SPAG16: variants seen among roughly 807,000 people sequenced by gnomAD.
SPAG16 encodes sperm associated antigen 16, also known as sperm-associated antigen 16 protein.
SPAG16 carries 86 observed loss-of-function variants against 80.4 expected under a neutral mutation model. The ratio of observed to expected loss-of-function variants is 1.07; its 90% CI spans 0.90 to 1.28. The LOEUF is 1.28. Among genes scored for constraint, SPAG16 ranks in the 50% most tolerant of loss-of-function variants. SPAG16 has a pLI of 0.00. For missense variants in SPAG16, 870 were observed against 765.3 expected (o/e 1.14, Z -1.61); for synonymous variants, 294 against 265.9 (o/e 1.11, Z -1.03).
At chr2:213,777,271 T>G (rs979943581) in intron 10 of SPAG16, among the ~76,000 whole-genome samples, 9 of 122,286 alleles carry the variant, frequency 7.4e-5, no homozygotes, top group African/African-American at 2.8e-4. Flanking sequence ...TTTTGAGACG[T>G]AGTCTCATTC....
At chr2:213,676,174 T>C (rs1405736660) in intron 10 of SPAG16, among the ~76,000 whole-genome samples, 2 of 152,124 alleles carry the variant, frequency 1.3e-5, no homozygotes, top group Non-Finnish European at 2.9e-5. Flanking sequence ...CACTCATGAT[T>C]TGGCTCTCTG....
At chr2:213,873,775 C>T (rs2076038367) in intron 11 of SPAG16, among the ~76,000 whole-genome samples, 1 of 151,720 alleles carries the variant, frequency 6.6e-6, no homozygotes, top group South Asian at 2.1e-4. Flanking sequence ...GTTCCATTTC[C>T]ATATATATGT....
chr2:213,735,959 A>G (rs1377246240), intron 10 of SPAG16, among the ~76,000 whole-genome samples: 1 of 152,222 alleles, frequency 6.6e-6, no homozygotes, highest in African/African-American at 2.4e-5. Flanking sequence ...CAGAGATACC[A>G]CTATCCTAAT....
At chr2:213,890,093 C>G (rs2076729684) in intron 11 of SPAG16, among the ~76,000 whole-genome samples, 1 of 151,910 alleles carries the variant, frequency 6.6e-6, no homozygotes, top group Non-Finnish European at 1.5e-5. Flanking sequence ...TTCAATAAAG[C>G]AACATCAGCC....
At chr2:214,070,346 T>G (rs905475565) in intron 13 of SPAG16, among the ~76,000 whole-genome samples, 1 of 152,090 alleles carries the variant, frequency 6.6e-6, no homozygotes, top group Admixed American at 6.6e-5. Flanking sequence ...CTTGTTTGTT[T>G]ACAACAAATG....
intron 8 of SPAG16, among the ~76,000 whole-genome samples, chr2:213,367,049 G>T (rs1408853261): frequency 6.6e-6 from 1 of 152,022 alleles, no homozygotes; most frequent in African/African-American, 2.4e-5. Flanking sequence ...TTGGTTGTCT[G>T]TCCTTGAGAT....
intron 11 of SPAG16, among the ~76,000 whole-genome samples, chr2:213,900,391 C>A (rs1033068): frequency 0.59 from 88,910 of 151,898 alleles, 27,823 homozygotes; most frequent in South Asian, 0.84. Context: ...TACAAAACAC[C>A]GATATTAAAA....
intron 10 of SPAG16, among the ~76,000 whole-genome samples, chr2:213,621,026 T>G (rs1331388221): frequency 1.3e-5 from 2 of 152,044 alleles, no homozygotes; most frequent in African/African-American, 4.8e-5. Context: ...GTTTTAGTAC[T>G]TACCTTTAAT....
At chr2:214,409,771 T>C (rs1702195813) in intron 15 of SPAG16, among the ~76,000 whole-genome samples, 1 of 152,170 alleles carries the variant, frequency 6.6e-6, no homozygotes, top group Non-Finnish European at 1.5e-5. Flanking sequence ...TTTAAAACTT[T>C]CTAACATATA....
At chr2:213,602,360 AG>A (rs2061097546) in intron 10 of SPAG16, among the ~76,000 whole-genome samples, 1 of 149,198 alleles carries the variant, frequency 6.7e-6, no homozygotes, top group Non-Finnish European at 1.5e-5. Flanking sequence ...GGCCGGGCAC[AG>A]TGGGGCTCTC....
At position 213,361,364 on chromosome 2, in the gene SPAG16, A is replaced by ATG. The variant is rs71397187; in HGVS notation, c.763-2698_763-2697dup. On this transcript the variant is annotated intron_variant, in intron 7 of 15. Transcript: ENST00000331683. ...GGATTCTAACTCAGAATATGTATGT[A>ATG]TGTGTGTGTGTGTGTATATATATAT... 7.8e-3 allele frequency among the ~76,000 whole-genome samples: 1,157 copies of ATG among 148,828 alleles called. 10 individuals are homozygous for ATG. Among genetic ancestry groups the ATG allele is most frequent in the Admixed American group, 9.6e-3 (143 of 14,834 alleles).
At chr2:214,363,859 T>C (rs1699322530) in intron 15 of SPAG16, among the ~76,000 whole-genome samples, 1 of 152,116 alleles carries the variant, frequency 6.6e-6, no homozygotes, top group Non-Finnish European at 1.5e-5. Flanking sequence ...GAAAAAGTTC[T>C]TGCTATAAGT....
At chr2:214,182,713 C>G (rs1472752328) in intron 15 of SPAG16, among the ~76,000 whole-genome samples, 1 of 151,830 alleles carries the variant, frequency 6.6e-6, no homozygotes, top group Non-Finnish European at 1.5e-5. Flanking sequence ...AATAATTGCT[C>G]CAGTAGATTC....
intron 10 of SPAG16, among the ~76,000 whole-genome samples, chr2:213,683,937 A>G (rs973504142): frequency 6.6e-6 from 1 of 152,230 alleles, no homozygotes; most frequent in Admixed American, 6.5e-5. Context: ...TAGAAATGTC[A>G]GAGTATTCTA....
At chr2:214,225,294 G>A (rs2058676071) in intron 15 of SPAG16, among the ~76,000 whole-genome samples, 1 of 152,092 alleles carries the variant, frequency 6.6e-6, no homozygotes, top group South Asian at 2.1e-4. Flanking sequence ...ACTGAGTGAG[G>A]TAGGAATTCA....
chr2:214,022,198 T>C (rs978128786), intron 13 of SPAG16, among the ~76,000 whole-genome samples: 1 of 152,038 alleles, frequency 6.6e-6, no homozygotes, highest in Non-Finnish European at 1.5e-5. Flanking sequence ...TAATTACTAA[T>C]GGCTTCAGGA....
rs534323952 is a variant in SPAG16 at position 213,792,077 on chromosome 2, A to G, written c.1071-70408A>G. Reference sequence around the variant, plus strand: ...ACCAAGCCAGTATTCATCGAGACAAATTCTCAGAAATGTTGTTTAAAAGTG... The same window carrying G: ...ACCAAGCCAGTATTCATCGAGACAAGTTCTCAGAAATGTTGTTTAAAAGTG... On this transcript the variant is annotated intron_variant, in intron 10 of 15. Coordinates refer to ENST00000331683, the MANE Select transcript of SPAG16 (RefSeq NM_024532.5). Among the ~76,000 whole-genome samples the G allele has an allele frequency of 7.2e-5, 11 of 152,352 alleles. No individual in the cohort carries two copies. The East Asian group carries it at 2.1e-3, about 29-fold the overall frequency.
chr2:213,529,290 G>A (rs1012053140), intron 10 of SPAG16, among the ~76,000 whole-genome samples: 1 of 152,094 alleles, frequency 6.6e-6, no homozygotes, highest in Non-Finnish European at 1.5e-5. Flanking sequence ...GTGGTCTGCT[G>A]GTCAACCAGG....
chr2:214,340,701 T>C (rs1283712100), intron 15 of SPAG16, among the ~76,000 whole-genome samples: 2 of 152,150 alleles, frequency 1.3e-5, no homozygotes, highest in Non-Finnish European at 2.9e-5. Flanking sequence ...AGGAGTCCAT[T>C]ATGGCATATA....
Sources: gnomAD v4.1 joint callset for allele counts (sites outside exome capture counted in the v4.1 genomes callset) on GRCh38, gnomAD v4.1.1 for gene constraint, MANE v1.5 for transcripts, NCBI Gene and HGNC (gene_info 2026-07-23, HGNC 2026-07-21) for gene names.